ARK2C: variants seen among roughly 807,000 people sequenced by gnomAD.
ARK2C encodes E3 ubiquitin-protein ligase ARK2C.
chr18:46,432,970 A>ATAAATAAATAAAT, the ARK2C span, among the ~76,000 whole-genome samples: 1 of 152,062 alleles, frequency 6.6e-6, no homozygotes. Context: ...AAATAAATAA[A>ATAAATAAATAAAT]AAATAAAGAT....
the ARK2C span, among the ~76,000 whole-genome samples, chr18:46,389,530 C>T: frequency 6.6e-6 from 1 of 152,180 alleles, no homozygotes; most frequent in Non-Finnish European, 1.5e-5. Context: ...GACAGTCTCC[C>T]ACCCCGGTCT....
At chr18:46,457,659 A>C in the ARK2C span, 1 of 152,624 alleles carries the variant, frequency 6.6e-6, no homozygotes, top group Non-Finnish European at 1.5e-5. Flanking sequence ...GGTCACTCCA[A>C]CTCCTTCCTT....
the ARK2C span, among the ~76,000 whole-genome samples, chr18:46,372,174 C>T: frequency 6.6e-6 from 1 of 152,202 alleles, no homozygotes; most frequent in Admixed American, 6.5e-5. Context: ...TACCTCAATA[C>T]TGCCAAGTTC....
At chr18:46,363,463 C>T in the ARK2C span, among the ~76,000 whole-genome samples, 1,847 of 152,350 alleles carry the variant, frequency 0.012, 30 homozygotes, top group African/African-American at 0.038. Context: ...AGTGCCCGTT[C>T]CTGGCTTCTC....
the ARK2C span, among the ~76,000 whole-genome samples, chr18:46,343,340 T>C: frequency 2.0e-5 from 3 of 152,272 alleles, no homozygotes; most frequent in Admixed American, 6.5e-5. Flanking sequence ...ACTTCCACTG[T>C]GATCTTGAAC....
the ARK2C span, among the ~76,000 whole-genome samples, chr18:46,399,640 C>G: frequency 6.6e-6 from 1 of 152,162 alleles, no homozygotes; most frequent in African/African-American, 2.4e-5. Context: ...GGCCTGCCCT[C>G]TTACTGCTGG....
chr18:46,358,111 G>A, the ARK2C span, among the ~76,000 whole-genome samples: 1 of 152,154 alleles, frequency 6.6e-6, no homozygotes, highest in East Asian at 1.9e-4. Flanking sequence ...ACACTCACAG[G>A]TACTGGGGAT....
chr18:46,366,048 T>A, the ARK2C span, among the ~76,000 whole-genome samples: 1 of 152,056 alleles, frequency 6.6e-6, no homozygotes, highest in Non-Finnish European at 1.5e-5. Context: ...ATCCCAGCAC[T>A]TTGGGAGGCC....
the ARK2C span, among the ~76,000 whole-genome samples, chr18:46,344,560 T>C: frequency 6.6e-6 from 1 of 152,174 alleles, no homozygotes; most frequent in Non-Finnish European, 1.5e-5. Flanking sequence ...ACACTGGCCT[T>C]CCTTAAGCCG....
chr18:46,433,722 C>G, the ARK2C span, among the ~76,000 whole-genome samples: 1 of 152,254 alleles, frequency 6.6e-6, no homozygotes, highest in African/African-American at 2.4e-5. Context: ...GAGGCATCCA[C>G]TTCAGGCAGT....
At chr18:46,408,075 G>T in the ARK2C span, among the ~76,000 whole-genome samples, 1 of 152,192 alleles carries the variant, frequency 6.6e-6, no homozygotes, top group Admixed American at 6.5e-5. Context: ...TTGGAAGTGG[G>T]GAAGCTCCAG....
At chr18:46,456,784 G>A in the ARK2C span, 7 of 664,234 alleles carry the variant, frequency 1.1e-5, no homozygotes, top group Admixed American at 1.3e-4. Context: ...TGGTGGTATC[G>A]GTGTCGAGGG....
chr18:46,446,670 CAAAAA>C, the ARK2C span, among the ~76,000 whole-genome samples: 2 of 34,398 alleles, frequency 5.8e-5, no homozygotes, highest in African/African-American at 1.2e-4. Context: ...GACTCCATCT[CAAAAA>C]AAAAAAAAAA....
chr18:46,461,727 TAG>T, the ARK2C span: 1 of 147,990 alleles, frequency 6.8e-6, no homozygotes, highest in East Asian at 2.0e-4. Flanking sequence ...AAGAGAAGAA[TAG>T]AGAGAGTGAG....
At chr18:46,376,750 A>G in the ARK2C span, among the ~76,000 whole-genome samples, 1 of 134,712 alleles carries the variant, frequency 7.4e-6, no homozygotes, top group Non-Finnish European at 1.5e-5. Context: ...CAGCCACTGC[A>G]ACATCCGCCT....
chr18:46,367,348 T>A, the ARK2C span, among the ~76,000 whole-genome samples: 2 of 152,140 alleles, frequency 1.3e-5, no homozygotes, highest in African/African-American at 4.8e-5. Context: ...TAATCTAGGG[T>A]CTGAGCACAA....
At chr18:46,416,497 A>G in the ARK2C span, among the ~76,000 whole-genome samples, 1 of 152,240 alleles carries the variant, frequency 6.6e-6, no homozygotes, top group Non-Finnish European at 1.5e-5. Flanking sequence ...CATTCAGAAC[A>G]TTGAGAGCAC....
the ARK2C span, chr18:46,447,641 A>C: frequency 6.2e-7 from 1 of 1,614,022 alleles, no homozygotes; most frequent in Non-Finnish European, 8.5e-7. Context: ...AGCATTACCT[A>C]GCCACTCCTC....
chr18:46,375,150 C>T, the ARK2C span, among the ~76,000 whole-genome samples: 26 of 152,362 alleles, frequency 1.7e-4, no homozygotes, highest in African/African-American at 6.3e-4. Flanking sequence ...ACTCCCCCCG[C>T]CCTCAGAGGC....
Sources: gnomAD v4.1 joint callset for allele counts (sites outside exome capture counted in the v4.1 genomes callset) on GRCh38, gnomAD v4.1.1 for gene constraint, MANE v1.5 for transcripts, NCBI Gene and HGNC (gene_info 2026-07-23, HGNC 2026-07-21) for gene names.